Variants in GOLGA4 observed in about 807,000 individuals in gnomAD.
The protein encoded by GOLGA4 is golgin subfamily A member 4.
In GOLGA4, 169 loss-of-function variants were observed where a neutral mutation model predicts 265.9. The observed-to-expected ratio is 0.64, with a 90% CI of 0.56 to 0.72. The LOEUF (loss-of-function observed/expected upper bound fraction) is 0.72. GOLGA4 is among the 30% of genes least tolerant of loss of function. GOLGA4 has a pLI of 0.00. For missense variants in GOLGA4, 2,482 were observed against 2,483.4 expected, an observed-to-expected ratio of 1.00 and a Z score of 0.01; for synonymous variants, 923 against 855.8, an observed-to-expected ratio of 1.08 and a Z score of -1.37.
chr3:37,331,992 C>T (rs910558259), intron 16 of GOLGA4, among the ~76,000 whole-genome samples: 1 of 152,178 alleles, frequency 6.6e-6, no homozygotes, highest in Non-Finnish European at 1.5e-5. Flanking sequence ...ACAGTCTGTG[C>T]TACCATTTTT....
intron 12 of GOLGA4, chr3:37,319,667 A>G (rs1217816899): frequency 2.6e-5 from 4 of 152,190 alleles, no homozygotes; most frequent in Non-Finnish European, 5.9e-5. Flanking sequence ...ATCCACCCAC[A>G]TTGGTCTCCC....
chr3:37,340,972 C>A (rs1424462335), intron 20 of GOLGA4, among the ~76,000 whole-genome samples: 1 of 152,022 alleles, frequency 6.6e-6, no homozygotes, highest in African/African-American at 2.4e-5. Flanking sequence ...TCAAGACCAT[C>A]CTGGCCAACA....
At chr3:37,334,936 T>A in intron 16 of GOLGA4, 117 bp from the exon 17 acceptor site, 1 of 601,894 alleles carries the variant, frequency 1.7e-6, no homozygotes, top group Admixed American at 3.0e-5. Flanking sequence ...TTTATTTCCC[T>A]ACAGAGGTAG....
chr3:37,316,852 T>C (rs1192906574), intron 11 of GOLGA4, among the ~76,000 whole-genome samples: 3 of 152,108 alleles, frequency 2.0e-5, no homozygotes, highest in African/African-American at 7.2e-5. Context: ...CTTTAAATGG[T>C]ATCTGAATTT....
At position 37,365,799 on chromosome 3, in the gene GOLGA4, C is replaced by CTTT. The variant is rs376627490; in HGVS notation, c.*34-267_*34-265dup. Among the ~76,000 whole-genome samples the CTTT allele has an allele frequency of 3.0e-4, 39 of 129,830 alleles. 1 individual carries two copies. Among genetic ancestry groups the CTTT allele is most frequent in the Middle Eastern group, 9.0e-3 (2 of 222 alleles). The allele number at this position is 129,830 out of a possible 152,430, so 85.2% of individuals were successfully genotyped here. ...AGATTTAGTGTTTAGACAATTTCTA[C>CTTT]TTTTTTTTTTTTTTTTCAGAATGGG... On this transcript the variant is annotated intron_variant, in intron 23 of 23. Transcript: ENST00000361924.
At chr3:37,286,334 T>G (rs2096849312) in intron 4 of GOLGA4, among the ~76,000 whole-genome samples, 1 of 150,086 alleles carries the variant, frequency 6.7e-6, no homozygotes, top group Admixed American at 6.6e-5. Context: ...TTTGTATTTT[T>G]AGTAGAGACG....
chr3:37,243,724 A>G (rs772881196), intron 1 of GOLGA4, 102 bp downstream of exon 1: 454 of 926,290 alleles, frequency 4.9e-4, no homozygotes, highest in Middle Eastern at 2.6e-3. Flanking sequence ...CGTGACCTTT[A>G]ACCCCTAACC....
In GOLGA4 at chr3:37,329,003, T is replaced by G. The variant is rs772389614; in HGVS notation, c.6102T>G (p.His2034Gln). The change falls in exon 16 of 24, where the codon CAT becomes CAG. Residue 2034 changes from histidine (H) to glutamine (Q), a missense_variant. His to Gln is a conservative substitution (Grantham distance 24). Transcript: ENST00000361924. ...TGGAGGCTGAACTTTTAGAAAGCCA[T>G]CAAGAAGAGACAAATCAGTTACTTA... ...QEVEAELLESHQEETNQLLKK... is the reference protein window; with the variant it reads ...QEVEAELLESQQEETNQLLKK... The G allele has an allele frequency of 1.9e-6, 3 of 1,610,370 alleles. No individual in the cohort carries two copies. Among genetic ancestry groups the G allele is most frequent in the Non-Finnish European group, 2.5e-6 (3 of 1,178,242 alleles).
rs766491612 is a variant in GOLGA4 at position 37,328,443 on chromosome 3, G to T, written c.5967G>T (p.Lys1989Asn). The change falls in exon 15 of 24, where the codon AAG (lysine) becomes AAT (asparagine). Residue 1989 changes from lysine (K) to asparagine (N), a missense_variant. Lys to Asn is a moderately conservative substitution (Grantham distance 94). Coordinates refer to ENST00000361924, the MANE Select transcript of GOLGA4 (RefSeq NM_002078.5). ...AGGAGCAGGAAGATCTTGAACTGAA[G>T]CACAATTCCACATTAAAACAGCTGA... The part of the protein sequence containing the change: ...IKQEQEDLEL[K>N]HNSTLKQLMR... The T allele has an allele frequency of 6.2e-7, 1 of 1,613,014 alleles. No individual in the cohort carries two copies. The highest frequency in any genetic ancestry group is 1.1e-5 in the South Asian group (1 of 91,016).
At chr3:37,345,904 G>A (rs1005354709) in intron 20 of GOLGA4, among the ~76,000 whole-genome samples, 2 of 150,530 alleles carry the variant, frequency 1.3e-5, no homozygotes, top group South Asian at 2.1e-4. Flanking sequence ...CCACCATCGC[G>A]CCACTGCACT....
chr3:37,337,604 A>C, intron 18 of GOLGA4, 62 bp from the exon 19 acceptor site: 1 of 1,119,938 alleles, frequency 8.9e-7, no homozygotes. Context: ...AGCAGTGCAG[A>C]AATGTGTCTG....
chr3:37,251,683 A>G (rs77597703), intron 2 of GOLGA4, among the ~76,000 whole-genome samples, 199 bp downstream of exon 2: 2 of 133,724 alleles, frequency 1.5e-5, no homozygotes, highest in South Asian at 4.6e-4. Flanking sequence ...GTCTGTCTGT[A>G]TGTATGTATG....
chr3:37,270,570 A>G (rs572821500), intron 2 of GOLGA4, among the ~76,000 whole-genome samples: 1 of 152,222 alleles, frequency 6.6e-6, no homozygotes, highest in East Asian at 1.9e-4. Context: ...TTTACTTAAA[A>G]CAGAATATGG....
At chr3:37,299,660 G>T (rs2096887635) in intron 9 of GOLGA4, among the ~76,000 whole-genome samples, 1 of 152,140 alleles carries the variant, frequency 6.6e-6, no homozygotes, top group African/African-American at 2.4e-5. Context: ...ACAGAGAAAA[G>T]TTATTTATAG....
rs1482510898 is a variant in GOLGA4, at chr3:37,282,111, G to T, written c.316G>T (p.Asp106Tyr). 1.9e-6 allele frequency: 3 copies of T among 1,614,054 alleles called. No homozygotes were observed. The African/African-American group carries it at 4.0e-5, about 22-fold the overall frequency. ...TTCCAGAGAATCCCTGAATCGACTTGACCTGGACAGTTCTACTGCCAGTTT... is the reference window on the plus strand; with the variant it reads ...TTCCAGAGAATCCCTGAATCGACTTTACCTGGACAGTTCTACTGCCAGTTT... ...TSSRESLNRL[D>Y]LDSSTASFDP... is the part of the protein sequence containing the mutation. The change falls in exon 3 of 24, where the codon GAC becomes TAC. Residue 106 changes from aspartate (D) to tyrosine (Y), a missense_variant. Transcript: ENST00000361924.
chr3:37,251,297 C>G, intron 1 of GOLGA4, 98 bp from the exon 2 acceptor site: 1 of 682,846 alleles, frequency 1.5e-6, no homozygotes, highest in South Asian at 1.9e-5. Flanking sequence ...CTTTCTTTCA[C>G]TGAATTCTTT....
At chr3:37,289,359 T>A in intron 5 of GOLGA4, 68 bp downstream of exon 5, 1 of 991,620 alleles carries the variant, frequency 1.0e-6, no homozygotes, top group Non-Finnish European at 1.6e-6. Context: ...CTGTTGTATG[T>A]GCTAGGGTAG....
intron 10 of GOLGA4, among the ~76,000 whole-genome samples, chr3:37,308,698 G>A (rs190498005): frequency 4.0e-3 from 600 of 151,040 alleles, no homozygotes; most frequent in African/African-American, 0.014. Context: ...TCACTGCAAC[G>A]TCCGCCTCCT....
intron 1 of GOLGA4, chr3:37,245,569 T>C (rs1392149440): frequency 2.0e-5 from 3 of 152,234 alleles, no homozygotes; most frequent in Admixed American, 6.5e-5. Context: ...GTTTAGCTTT[T>C]CTTCGTGAAA....
Sources: gnomAD v4.1 joint callset for allele counts (sites outside exome capture counted in the v4.1 genomes callset) on GRCh38, gnomAD v4.1.1 for gene constraint, MANE v1.5 for transcripts, NCBI Gene and HGNC (gene_info 2026-07-23, HGNC 2026-07-21) for gene names.